EPHB1: variants seen among roughly 807,000 people sequenced by gnomAD.
EPHB1 encodes ephrin type-B receptor 1.
In EPHB1, 30 loss-of-function variants were observed where a neutral mutation model predicts 94.4. That is an observed-to-expected ratio of 0.32 (90% CI 0.24 to 0.43). EPHB1 has a LOEUF of 0.43. Among genes scored for constraint, EPHB1 ranks in the 20% least tolerant of loss-of-function variants. The probability of loss-of-function intolerance (pLI) is 1.00; values close to 1 mark genes in which losing one functional copy is unlikely to be tolerated. For synonymous variants in EPHB1, 522 were observed against 489.1 expected, an observed-to-expected ratio of 1.07 and a Z score of -0.89; for missense variants, 1,055 against 1,308.3, an observed-to-expected ratio of 0.81 and a Z score of 2.99.
chr3:135,141,169 T>C (rs968231745), intron 5 of EPHB1, among the ~76,000 whole-genome samples: 9 of 151,426 alleles, frequency 5.9e-5, no homozygotes, highest in Non-Finnish European at 1.2e-4. Flanking sequence ...TTTTTTCTCT[T>C]TTTTGATGGA....
intron 1 of EPHB1, among the ~76,000 whole-genome samples, chr3:134,808,356 G>C (rs967404997): frequency 3.9e-5 from 6 of 152,150 alleles, no homozygotes; most frequent in South Asian, 2.1e-4. Context: ...TCATTGGCCA[G>C]GCTTGGGTCA....
At chr3:134,859,860 A>G (rs753116276) in intron 1 of EPHB1, among the ~76,000 whole-genome samples, 18 of 152,022 alleles carry the variant, frequency 1.2e-4, no homozygotes, top group Non-Finnish European at 2.5e-4. Flanking sequence ...ATAATTTGGT[A>G]TCTTGCTTTT....
At chr3:134,898,523 C>T (rs1362457836) in intron 1 of EPHB1, among the ~76,000 whole-genome samples, 1 of 152,148 alleles carries the variant, frequency 6.6e-6, no homozygotes, top group Admixed American at 6.5e-5. Context: ...CCCCATGCTC[C>T]CAACTCCCTG....
At position 135,025,035 on chromosome 3, in the gene EPHB1, T is replaced by G. The variant is rs188375945; in HGVS notation, c.805+72983T>G. Among the ~76,000 whole-genome samples the G allele has an allele frequency of 4.3e-4, 65 of 151,908 alleles. 1 individual carries two copies. The highest frequency in any genetic ancestry group is 2.9e-3 in the East Asian group (15 of 5,180). On this transcript the variant is annotated intron_variant, in intron 3 of 15. Coordinates refer to ENST00000398015, the MANE Select transcript of EPHB1 (RefSeq NM_004441.5). ...TATATTTGTTCACTTTGTTAACATA[T>G]ATTTACAACTTTTTTGTTAAATGTA...
chr3:134,833,805 G>A (rs2036622344), intron 1 of EPHB1, among the ~76,000 whole-genome samples: 1 of 152,190 alleles, frequency 6.6e-6, no homozygotes. Flanking sequence ...GAAGGGCAGA[G>A]GGTCACCCAG....
At chr3:135,153,703 A>G (rs1941265285) in intron 5 of EPHB1, among the ~76,000 whole-genome samples, 5 of 152,180 alleles carry the variant, frequency 3.3e-5, no homozygotes. Context: ...TTCTATACCA[A>G]CTGGTTCTAC....
chr3:134,919,282 A>G (rs1441485325), intron 1 of EPHB1, among the ~76,000 whole-genome samples: 1 of 152,206 alleles, frequency 6.6e-6, no homozygotes, highest in African/African-American at 2.4e-5. Context: ...TGGAGGGAGA[A>G]GATTTAGATG....
intron 3 of EPHB1, among the ~76,000 whole-genome samples, chr3:134,955,104 A>AT (rs1933211051): frequency 1.1e-4 from 1 of 9,104 alleles, no homozygotes; most frequent in Non-Finnish European, 1.8e-4. Context: ...TTTTTTTTTT[A>AT]ATTTTTTTTT....
chr3:135,035,507 T>C (rs1336101296), intron 3 of EPHB1, among the ~76,000 whole-genome samples: 1 of 152,218 alleles, frequency 6.6e-6, no homozygotes, highest in African/African-American at 2.4e-5. Context: ...TTAAGGAGTC[T>C]TTTATACTTA....
chr3:135,155,787 CAAAAAAAAA>C (rs35095229), intron 6 of EPHB1, among the ~76,000 whole-genome samples: 14 of 59,476 alleles, frequency 2.4e-4, no homozygotes, highest in African/African-American at 4.4e-4. Context: ...AAGACTTTGT[CAAAAAAAAA>C]AAAAAAAAAA....
chr3:134,949,562 A>G (rs1340193091), intron 2 of EPHB1, among the ~76,000 whole-genome samples: 1 of 152,162 alleles, frequency 6.6e-6, no homozygotes, highest in Non-Finnish European at 1.5e-5. Context: ...ATTGGCTTTT[A>G]GCTCTGTTAA....
intron 3 of EPHB1, among the ~76,000 whole-genome samples, chr3:135,063,572 G>T (rs2107778155): frequency 6.6e-6 from 1 of 152,264 alleles, no homozygotes; most frequent in East Asian, 1.9e-4. Context: ...TCTTTTATCA[G>T]TTCTAGAAGC....
At chr3:135,082,713 A>G (rs964712062) in intron 3 of EPHB1, among the ~76,000 whole-genome samples, 1 of 152,230 alleles carries the variant, frequency 6.6e-6, no homozygotes, top group Non-Finnish European at 1.5e-5. Context: ...ATGTGAGCAA[A>G]ATATTGGAAC....
chr3:135,153,040 G>C (rs1941241032), intron 5 of EPHB1, among the ~76,000 whole-genome samples: 1 of 152,146 alleles, frequency 6.6e-6, no homozygotes, highest in Admixed American at 6.5e-5. Flanking sequence ...CTCTCCCTGA[G>C]GGGCTGCATG....
At chr3:135,245,805 CAAAAAAAA>C (rs34702210) in intron 13 of EPHB1, among the ~76,000 whole-genome samples, 3 of 26,780 alleles carry the variant, frequency 1.1e-4, no homozygotes, top group African/African-American at 1.3e-4. Flanking sequence ...GACACCATCT[CAAAAAAAA>C]AAAAAAAAAA....
At chr3:134,909,230 G>A (rs1033530608) in intron 1 of EPHB1, among the ~76,000 whole-genome samples, 37 of 152,052 alleles carry the variant, frequency 2.4e-4, no homozygotes, top group African/African-American at 8.5e-4. Flanking sequence ...AGAAAGGGGA[G>A]TAGTTGATTC....
chr3:135,053,027 G>GTATATATATATATATATATATATATA (rs1243029809), intron 3 of EPHB1, among the ~76,000 whole-genome samples: 1 of 110,464 alleles, frequency 9.1e-6, no homozygotes, highest in African/African-American at 4.2e-5. Context: ...GTGTGTGTGT[G>GTATATATATATATATATATATATATA]TATATATATA....
At chr3:135,243,908 G>A (rs1943854880) in intron 13 of EPHB1, among the ~76,000 whole-genome samples, 1 of 152,146 alleles carries the variant, frequency 6.6e-6, no homozygotes. Flanking sequence ...TGAAACATCA[G>A]AGCTTGACTT....
At chr3:135,023,998 A>G (rs1330425202) in intron 3 of EPHB1, among the ~76,000 whole-genome samples, 4 of 152,218 alleles carry the variant, frequency 2.6e-5, no homozygotes, top group Non-Finnish European at 4.4e-5. Context: ...GGGATGAACA[A>G]TGAAGTAGTT....
Sources: gnomAD v4.1 joint callset for allele counts (sites outside exome capture counted in the v4.1 genomes callset) on GRCh38, gnomAD v4.1.1 for gene constraint, MANE v1.5 for transcripts, NCBI Gene and HGNC (gene_info 2026-07-23, HGNC 2026-07-21) for gene names.